DOCK10: variants seen among roughly 807,000 people sequenced by gnomAD.
The protein encoded by DOCK10 is dedicator of cytokinesis protein 10.
A neutral mutation model predicts 280.1 loss-of-function variants in DOCK10; 145 were observed. That is an observed-to-expected ratio of 0.52 (90% confidence interval 0.45 to 0.59). DOCK10 has a LOEUF of 0.59. Ranked by LOEUF, DOCK10 falls within the 20% of genes least tolerant of loss-of-function variation. DOCK10 has a pLI of 0.00. For synonymous variants in DOCK10, 915 were observed against 942.2 expected (o/e 0.97, Z 0.53); for missense variants, 2,368 against 2,651.7 (o/e 0.89, Z 2.35).
intron 1 of DOCK10, among the ~76,000 whole-genome samples, chr2:224,945,407 A>G (rs188063044): frequency 4.5e-4 from 68 of 152,252 alleles, no homozygotes; most frequent in Non-Finnish European, 7.5e-4. Flanking sequence ...TATTCCAGTT[A>G]TGAAATACCC....
intron 1 of DOCK10, among the ~76,000 whole-genome samples, chr2:224,998,097 C>T (rs1194041821): frequency 1.3e-5 from 2 of 152,142 alleles, no homozygotes; most frequent in East Asian, 1.9e-4. Flanking sequence ...GCCCGTATTT[C>T]GATTTCTAGT....
At chr2:224,818,973 A>C (rs544171184) in intron 29 of DOCK10, among the ~76,000 whole-genome samples, 4 of 152,324 alleles carry the variant, frequency 2.6e-5, no homozygotes, top group Non-Finnish European at 5.9e-5. Context: ...TCTGGGCTCC[A>C]TTAGCAGCAG....
At chr2:224,792,231 G>T (rs1169588432) in intron 47 of DOCK10, among the ~76,000 whole-genome samples, 2 of 152,130 alleles carry the variant, frequency 1.3e-5, no homozygotes, top group African/African-American at 4.8e-5. Context: ...AATGGAACAT[G>T]CTGATTATAA....
At chr2:224,850,668 G>T (rs930915653) in intron 18 of DOCK10, among the ~76,000 whole-genome samples, 1 of 152,056 alleles carries the variant, frequency 6.6e-6, no homozygotes. Flanking sequence ...ATCCCGACAT[G>T]CCAAGGAGAG....
intron 16 of DOCK10, among the ~76,000 whole-genome samples, 199 bp from the exon 17 acceptor site, chr2:224,853,321 CTG>C (rs1359409979): frequency 8.5e-5 from 13 of 152,186 alleles, no homozygotes; most frequent in Admixed American, 5.2e-4. Context: ...AATATTAAAA[CTG>C]ATGTCTCAGA....
At chr2:224,874,844 G>A (rs1341216724) in intron 8 of DOCK10, 93 bp from the exon 9 acceptor site, 3 of 1,096,112 alleles carry the variant, frequency 2.7e-6, no homozygotes, top group East Asian at 2.4e-5. Context: ...TTAGGCTTAA[G>A]AGCTAAGAGG....
At chr2:224,950,739 G>C (rs1331376674) in intron 1 of DOCK10, among the ~76,000 whole-genome samples, 1 of 152,192 alleles carries the variant, frequency 6.6e-6, no homozygotes, top group African/African-American at 2.4e-5. Context: ...AAAAAGTTAG[G>C]ACTGGAGACG....
At chr2:224,853,195 T>C (rs1696874098) in intron 16 of DOCK10, 73 bp from the exon 17 acceptor site, 1 of 1,303,774 alleles carries the variant, frequency 7.7e-7, no homozygotes, top group South Asian at 1.9e-5. Flanking sequence ...TAACATGTTT[T>C]AAAATGAACC....
chr2:224,824,013 A>G (rs1016666555), intron 27 of DOCK10, among the ~76,000 whole-genome samples: 16 of 123,628 alleles, frequency 1.3e-4, no homozygotes, highest in Middle Eastern at 3.6e-3. Context: ...GCTACTATTA[A>G]TGGTTAATGA....
rs2125495077 is a variant in DOCK10 at position 224,845,291 on chromosome 2, T to C, written c.2393A>G (p.Asp798Gly). ...GTTGTACTCTTGAGAAGCTATCTGA[T>C]CGTGTTTCATCAGAGGAAGCCAAGC... ...GYAWLPLMKH[D>G]QIASQEYNIP... is the part of the protein sequence containing the mutation. Residue 798 changes from aspartate (D) to glycine (G), a missense_variant, in exon 21 of 56, where the codon GAT (aspartate) becomes GGT (glycine). Asp to Gly is a moderately conservative substitution (Grantham distance 94). Around this residue, in one of 2 missense-constraint regions of DOCK10, gnomAD observed 1,209 missense variants for 1,250.9 expected, o/e 0.97. Transcript: ENST00000258390. 1.9e-6 allele frequency: 3 copies of C among 1,590,252 alleles called. No individual in the cohort carries two copies. The highest frequency in any genetic ancestry group is 2.3e-5 in the East Asian group (1 of 44,292).
intron 1 of DOCK10, among the ~76,000 whole-genome samples, chr2:225,032,372 CTT>C (rs1437398814): frequency 1.2e-4 from 18 of 152,292 alleles, no homozygotes; most frequent in African/African-American, 4.3e-4. Flanking sequence ...AATGAATGAA[CTT>C]TCCCTGTTAG....
intron 29 of DOCK10, 129 bp from the exon 30 acceptor site, chr2:224,816,842 A>G: frequency 1.7e-6 from 1 of 589,038 alleles, no homozygotes; most frequent in African/African-American, 1.9e-5. Flanking sequence ...TTGTCGGACC[A>G]CTAGGTAATT....
intron 1 of DOCK10, among the ~76,000 whole-genome samples, chr2:224,975,635 GTAGTTTCCA>G (rs1331051878): frequency 3.3e-5 from 5 of 152,330 alleles, no homozygotes; most frequent in Non-Finnish European, 5.9e-5. Flanking sequence ...TTCCTTTGGA[GTAGTTTCCA>G]TAGTTTCCAT....
intron 50 of DOCK10, among the ~76,000 whole-genome samples, chr2:224,781,943 C>T (rs1691372501): frequency 6.6e-6 from 1 of 151,978 alleles, no homozygotes; most frequent in Non-Finnish European, 1.5e-5. Context: ...TTTTATTAGA[C>T]TCATTCAAAG....
chr2:224,854,897 A>G, intron 16 of DOCK10, 66 bp downstream of exon 16: 11 of 1,211,496 alleles, frequency 9.1e-6, no homozygotes, highest in Non-Finnish European at 1.1e-5. Context: ...CCAACCAACC[A>G]AAACAAACCC....
intron 31 of DOCK10, among the ~76,000 whole-genome samples, chr2:224,812,322 T>C (rs1039023559): frequency 5.3e-5 from 8 of 152,232 alleles, no homozygotes; most frequent in African/African-American, 1.9e-4. Context: ...CTTGTGATTT[T>C]TGTACATTGA....
chr2:224,797,796 C>A, intron 42 of DOCK10, 36 bp downstream of exon 42: 3 of 1,600,546 alleles, frequency 1.9e-6, no homozygotes, highest in African/African-American at 2.7e-5. Flanking sequence ...TTACTGTCAT[C>A]CTACCTAAAC....
chr2:224,892,323 C>T (rs565961442), intron 4 of DOCK10, among the ~76,000 whole-genome samples: 7 of 141,770 alleles, frequency 4.9e-5, no homozygotes, highest in South Asian at 4.7e-4. Flanking sequence ...CCTTTGAACC[C>T]GAGAGGTGGA....
At chr2:224,946,235 C>T (rs895937727) in intron 1 of DOCK10, among the ~76,000 whole-genome samples, 2 of 152,180 alleles carry the variant, frequency 1.3e-5, no homozygotes, top group African/African-American at 4.8e-5. Context: ...GGTTTTCAAG[C>T]TCTCATTTTG....
Sources: gnomAD v4.1 joint callset for allele counts (sites outside exome capture counted in the v4.1 genomes callset) on GRCh38, gnomAD v4.1.1 for gene constraint, gnomAD v4.1.1 regional missense constraint, MANE v1.5 for transcripts, NCBI Gene and HGNC (gene_info 2026-07-23, HGNC 2026-07-21) for gene names.